Variants in VSIG10L observed in about 807,000 individuals in gnomAD.
VSIG10L encodes the protein V-set and immunoglobulin domain-containing protein 10-like.
A neutral mutation model predicts 67.3 loss-of-function variants in VSIG10L; 63 were observed. The ratio of observed to expected loss-of-function variants is 0.94; its 90% CI spans 0.76 to 1.15. The LOEUF is 1.15. Among genes scored for constraint, VSIG10L ranks in the 50% most tolerant of loss-of-function variants. VSIG10L has a pLI of 0.00. For synonymous variants in VSIG10L, 499 were observed against 524.9 expected, an observed-to-expected ratio of 0.95 and a Z score of 0.67; for missense variants, 1,050 against 1,177.5, an observed-to-expected ratio of 0.89 and a Z score of 1.58.
Position 51,332,160 on chromosome 19 carries a change from C to G in VSIG10L, c.*451G>C. ...AAGGGAAATGCACAGGCCGTAGAAG[C>G]GTTTAAAGAGAAGAGTGACATGATC... On this transcript the variant is annotated 3_prime_UTR_variant, in exon 10 of 10. Transcript: ENST00000335624. 2 of 239,388 alleles carry G rather than the reference C, an allele frequency of 8.4e-6. No individual in the cohort carries two copies. The highest frequency in any genetic ancestry group is 9.4e-5 in the South Asian group (2 of 21,256). The allele number at this position is 239,388 out of a possible 1,614,324, so 14.8% of individuals were successfully genotyped here.
At position 51,341,775 on chromosome 19, in the gene VSIG10L, C is replaced by T; in HGVS notation, c.273G>A (p.Gly91=). ...CAGCAGAAACATTTGACCAGAAGGA[C>T]CCAGACATGTTGGAACTCAGGGCCT... is the stretch of plus-strand genomic sequence containing the variant. The part of the protein sequence containing the change: ...FPEALSSNMS[G]SFWSNVSAEG... Residue 91 remains glycine, a synonymous_variant, in exon 2 of 10, where the codon GGG becomes GGA. Transcript: ENST00000335624. 1.3e-6 allele frequency: 2 copies of T among 1,551,542 alleles called. No homozygotes were observed. Among genetic ancestry groups the T allele is most frequent in the East Asian group, 2.4e-5 (1 of 40,908 alleles).
chr19:51,339,287 C>T, intron 4 of VSIG10L, 145 bp from the exon 5 acceptor site: 1 of 931,116 alleles, frequency 1.1e-6, no homozygotes, highest in Non-Finnish European at 1.4e-6. Context: ...GATCCCGTTC[C>T]CTTTTCCCAT....
chr19:51,340,265 C>G lies in VSIG10L; in HGVS notation c.1224G>C (p.Ser408=). ...AGCGGGCAGGCGCGGCGTCGCGGTC[C>G]GAGGAGACCGTGATGGTCGGCGGGT... The part of the protein sequence containing the change: ...GPDPPTITVS[S]DRDAAPARFV... Residue 408 remains serine, a synonymous_variant, in exon 4 of 10, where the codon TCG becomes TCC. Transcript: ENST00000335624. The surrounding 1 kb of genome is among the most constrained non-coding windows in gnomAD (Gnocchi z 6.3). The G allele has an allele frequency of 6.6e-7, 1 of 1,518,044 alleles. No individual in the cohort carries two copies. The highest frequency in any genetic ancestry group is 8.8e-7 in the Non-Finnish European group (1 of 1,139,946). The allele number at this position is 1,518,044 out of a possible 1,614,324, so 94.0% of individuals were successfully genotyped here. A position where few individuals can be genotyped will look rare whatever the true frequency, so the allele number is the denominator to read the frequency against.
In VSIG10L at chr19:51,340,325, C is replaced by A; in HGVS notation, c.1190-26G>T. 1 of 1,490,146 alleles carries A rather than the reference C, an allele frequency of 6.7e-7. No homozygotes were observed. The highest frequency in any genetic ancestry group is 8.9e-7 in the Non-Finnish European group (1 of 1,123,004). 92.3% of individuals were successfully genotyped at this position (1,490,146 alleles called of 1,614,324 possible). A position where few individuals can be genotyped will look rare whatever the true frequency, so the allele number is the denominator to read the frequency against. ...CTGGAGGGAGGAGGGGTCGGGACCG[C>A]GAGTGTCAGGGTCACCTGGGACGCC... On this transcript the variant is annotated intron_variant, in intron 3 of 9. Transcript: ENST00000335624. This position sits in a 1 kb window ranked among gnomAD's most constrained non-coding sequence, Gnocchi z 6.3.
chr19:51,336,393 C>T (rs1326102420), intron 7 of VSIG10L, among the ~76,000 whole-genome samples: 1 of 151,954 alleles, frequency 6.6e-6, no homozygotes, highest in Non-Finnish European at 1.5e-5. Context: ...CCCATCTCTA[C>T]TAATACAAAA....
rs1599833283 is a variant in VSIG10L, at chr19:51,337,236, A to G, written c.2305+2T>C. Reference sequence around the variant, plus strand: ...AGGTCTACTCTGACAGCCCCAACTCACCGGCCCGGTAGACCCGGCTTTGTG... The same window carrying G: ...AGGTCTACTCTGACAGCCCCAACTCGCCGGCCCGGTAGACCCGGCTTTGTG... On this transcript the variant is annotated splice_donor_variant, in intron 7 of 9. Coordinates refer to ENST00000335624, the MANE Select transcript of VSIG10L (RefSeq NM_001163922.3). LOFTEE classifies it high-confidence loss of function. The G allele has an allele frequency of 6.5e-7, 1 of 1,543,918 alleles. No individual in the cohort carries two copies. Among genetic ancestry groups the G allele is most frequent in the Middle Eastern group, 2.0e-4 (1 of 4,946 alleles).
At chr19:51,337,789 T>A (rs1985521568) in intron 6 of VSIG10L, 141 bp downstream of exon 6, 1 of 1,159,250 alleles carries the variant, frequency 8.6e-7, no homozygotes, top group Admixed American at 3.0e-5. Context: ...AGGCCTGGAC[T>A]CCAGGGTCTG....
rs1721789444 is a variant in VSIG10L at position 51,339,033 on chromosome 19, G to A, written c.1584C>T (p.Phe528=). 2 of 1,376,228 alleles carry A rather than the reference G, an allele frequency of 1.5e-6. No individual in the cohort carries two copies. Among genetic ancestry groups the A allele is most frequent in the Non-Finnish European group, 1.9e-6 (2 of 1,058,664 alleles). The allele number at this position is 1,376,228 out of a possible 1,614,324, so 85.3% of individuals were successfully genotyped here. ...CGCGGATGCCTTCGGGGAGACCCTG[G>A]AACTGCAGGGAGGCAGCAGGGGCCC... ...PGGAPAASLQ[F]QGLPEGIRAG... Residue 528 remains phenylalanine, a synonymous_variant, in exon 5 of 10, where the codon TTC becomes TTT. Transcript: ENST00000335624.
Position 51,332,331 on chromosome 19 carries a change from C to A in VSIG10L, c.*280G>T. On this transcript the variant is annotated 3_prime_UTR_variant, in exon 10 of 10. Transcript: ENST00000335624. ...CACAGCAAGCCCTGCCTGTCTGCTGCAGAGGCTTGGAGGTTGTGCAAACCA... is the reference window on the plus strand; with the variant it reads ...CACAGCAAGCCCTGCCTGTCTGCTGAAGAGGCTTGGAGGTTGTGCAAACCA... 2.0e-6 allele frequency: 1 copy of A among 509,642 alleles called. No individual in the cohort carries two copies. Among genetic ancestry groups the A allele is most frequent in the African/African-American group, 1.9e-5 (1 of 51,954 alleles). 31.6% of individuals were successfully genotyped at this position (509,642 alleles called of 1,614,324 possible).
In VSIG10L at chr19:51,340,466, G is replaced by A; in HGVS notation, c.1156C>T (p.His386Tyr). 1 of 1,505,586 alleles carries A rather than the reference G, an allele frequency of 6.6e-7. No homozygotes were observed. The highest frequency in any genetic ancestry group is 1.2e-5 in the South Asian group (1 of 81,632). 93.3% of individuals were successfully genotyped at this position (1,505,586 alleles called of 1,614,324 possible). A position where few individuals can be genotyped will look rare whatever the true frequency, so the allele number is the denominator to read the frequency against. Residue 386 changes from histidine to tyrosine, a missense_variant, in exon 3 of 10, where the codon CAC (histidine) becomes TAC (tyrosine). His to Tyr is a moderately conservative substitution (Grantham distance 83, BLOSUM62 2). Transcript: ENST00000335624. This position sits in a 1 kb window ranked among gnomAD's most constrained non-coding sequence, Gnocchi z 6.3. Reference sequence around the variant, plus strand: ...CTGACGTCGGCGGCAGCCTCCCTGTGGCCGAAGGGGCTGCGGACGCGGCAA... The same window carrying A: ...CTGACGTCGGCGGCAGCCTCCCTGTAGCCGAAGGGGCTGCGGACGCGGCAA... Reference protein sequence around the residue: ...YTCRVRSPFGHREAAADVSVF... With the variant: ...YTCRVRSPFGYREAAADVSVF...
At chr19:51,338,325 A>G (rs1985540585) in intron 5 of VSIG10L, 117 bp from the exon 6 acceptor site, 1 of 1,136,184 alleles carries the variant, frequency 8.8e-7, no homozygotes, top group Admixed American at 3.4e-5. Flanking sequence ...TGGCCACCTG[A>G]GAAAGAACTG....
At chr19:51,337,861 C>T in intron 6 of VSIG10L, 69 bp downstream of exon 6, 1 of 1,472,252 alleles carries the variant, frequency 6.8e-7, no homozygotes, top group South Asian at 1.4e-5. Context: ...GGGGCCTGAA[C>T]TTCTGGGTCT....
intron 7 of VSIG10L, 123 bp downstream of exon 7, chr19:51,337,115 T>G: frequency 8.1e-7 from 1 of 1,237,154 alleles, no homozygotes. Flanking sequence ...GAGAAGAAAT[T>G]CCTGTAGTCT....
At position 51,341,890 on chromosome 19, in the gene VSIG10L, G is replaced by A. The variant is rs1985650195; in HGVS notation, c.158C>T (p.Pro53Leu). 1 of 1,551,554 alleles carries A rather than the reference G, an allele frequency of 6.4e-7. No individual in the cohort carries two copies. The highest frequency in any genetic ancestry group is 1.2e-5 in the South Asian group (1 of 84,062). The change falls in exon 2 of 10, where the codon CCC (proline) becomes CTC (leucine). Residue 53 changes from proline (P) to leucine (L), a missense_variant. By Grantham distance (98) the Pro-to-Leu change is moderately conservative. Coordinates refer to ENST00000335624, the MANE Select transcript of VSIG10L (RefSeq NM_001163922.3). The stretch of plus-strand genomic sequence containing the variant: ...TTTCCAGCTGGGAGGTTTGATGGAG[G>A]GAACTTCCACACCCAGCCCCTGGGA... ...SSSQGLGVEV[P>L]SIKPPSWKVP...
rs1379254649 is a variant in VSIG10L, at chr19:51,340,489, C to T, written c.1133G>A (p.Cys378Tyr). 6.6e-7 allele frequency: 1 copy of T among 1,520,868 alleles called. No homozygotes were observed. Among genetic ancestry groups the T allele is most frequent in the African/African-American group, 1.4e-5 (1 of 72,196 alleles). The allele number at this position is 1,520,868 out of a possible 1,614,324, so 94.2% of individuals were successfully genotyped here. A position where few individuals can be genotyped will look rare whatever the true frequency, so the allele number is the denominator to read the frequency against. Residue 378 changes from cysteine to tyrosine, a missense_variant, in exon 3 of 10, where the codon TGC (cysteine) becomes TAC (tyrosine). Cys to Tyr is a radical substitution (Grantham distance 194). This residue lies in a region of VSIG10L where 511 missense variants were observed against 557.9 expected (regional missense o/e 0.92). Transcript: ENST00000335624. This position sits in a 1 kb window ranked among gnomAD's most constrained non-coding sequence, Gnocchi z 6.3. ...PVRSDHARYT[C>Y]RVRSPFGHRE... Reference sequence around the variant, plus strand: ...GTGGCCGAAGGGGCTGCGGACGCGGCAAGTGTACCGGGCGTGGTCGCTGCG... The same window carrying T: ...GTGGCCGAAGGGGCTGCGGACGCGGTAAGTGTACCGGGCGTGGTCGCTGCG...
rs775705780 is a variant in VSIG10L at position 51,337,531 on chromosome 19, G to T, written c.2012C>A (p.Pro671His). The change falls in exon 7 of 10, where the codon CCC becomes CAC. Residue 671 changes from proline to histidine, a missense_variant. By Grantham distance (77) the Pro-to-His change is moderately conservative. Coordinates refer to ENST00000335624, the MANE Select transcript of VSIG10L (RefSeq NM_001163922.3). ...AGGDQITLIG[P>H]SISSWRLQRA... Reference sequence around the variant, plus strand: ...CTGAAGCCTCCACGAGGATATGGAGGGTCCTAGAGGGATGTGGGGGTGGCT... The same window carrying T: ...CTGAAGCCTCCACGAGGATATGGAGTGTCCTAGAGGGATGTGGGGGTGGCT... 3.3e-6 allele frequency: 5 copies of T among 1,518,132 alleles called. No individual in the cohort carries two copies. The highest frequency in any genetic ancestry group is 4.5e-6 in the Non-Finnish European group (5 of 1,122,660). 94.0% of individuals were successfully genotyped at this position (1,518,132 alleles called of 1,614,324 possible).
chr19:51,340,663 A>G lies in VSIG10L; in HGVS notation c.959T>C (p.Leu320Pro). Residue 320 changes from leucine (L) to proline (P), a missense_variant, in exon 3 of 10, where the codon CTC becomes CCC. Leu to Pro is a moderately conservative substitution (Grantham distance 98). Around this residue, in one of 3 missense-constraint regions of VSIG10L, gnomAD observed 511 missense variants for 557.9 expected, o/e 0.92. Coordinates refer to ENST00000335624, the MANE Select transcript of VSIG10L (RefSeq NM_001163922.3). The surrounding 1 kb of genome is among the most constrained non-coding windows in gnomAD (Gnocchi z 6.3). ...APETEEGAAE[L>P]RLRCLGWGPG... is the part of the protein sequence containing the mutation. ...CCCCCACCCCAGGCAGCGCAGCCGGAGCTCGGCCGCCCCCTCCTCTGTCTC... is the reference window on the plus strand; with the variant it reads ...CCCCCACCCCAGGCAGCGCAGCCGGGGCTCGGCCGCCCCCTCCTCTGTCTC... 2.6e-6 allele frequency: 4 copies of G among 1,530,408 alleles called. No homozygotes were observed. The highest frequency in any genetic ancestry group is 3.5e-6 in the Non-Finnish European group (4 of 1,143,822). 94.8% of individuals were successfully genotyped at this position (1,530,408 alleles called of 1,614,324 possible).
In VSIG10L at chr19:51,338,131, A is replaced by G; in HGVS notation, c.1807T>C (p.Ser603Pro). ...LGEAEVALEA[S>P]GCPPPSRASW... ...GCCCGTGAGGGTGGGGGACAACCAG[A>G]GGCCTCCAGTGCCACCTCTGCCTCC... The change falls in exon 6 of 10, where the codon TCT (serine) becomes CCT (proline). Residue 603 changes from serine (S) to proline (P), a missense_variant. Transcript: ENST00000335624. 1 of 1,545,872 alleles carries G rather than the reference A, an allele frequency of 6.5e-7. No individual in the cohort carries two copies. The highest frequency in any genetic ancestry group is 2.5e-5 in the East Asian group (1 of 40,790).
rs1340177192 is a variant in VSIG10L, at chr19:51,337,493, C to T, written c.2050G>A (p.Ala684Thr). 1.3e-6 allele frequency: 2 copies of T among 1,548,560 alleles called. No homozygotes were observed. Among genetic ancestry groups the T allele is most frequent in the African/African-American group, 2.7e-5 (2 of 72,904 alleles). ...SSWRLQRARD[A>T]AVLTWDVERG... ...TCCACATCCCAAGTCAGCACGGCTG[C>T]ATCTCTGGCTCTCTGAAGCCTCCAC... is the stretch of plus-strand genomic sequence containing the variant. The change falls in exon 7 of 10, where the codon GCA (alanine) becomes ACA (threonine). Residue 684 changes from alanine (A) to threonine (T), a missense_variant. Transcript: ENST00000335624.
Sources: gnomAD v4.1 joint callset for allele counts (sites outside exome capture counted in the v4.1 genomes callset) on GRCh38, gnomAD v4.1.1 for gene constraint, gnomAD v4.1.1 regional missense constraint, Gnocchi (gnomAD v3.1) non-coding constraint, MANE v1.5 for transcripts, NCBI Gene and HGNC (gene_info 2026-07-23, HGNC 2026-07-21) for gene names.